CSDC2: variants seen among roughly 807,000 people sequenced by gnomAD.
CSDC2 encodes the protein cold shock domain-containing protein C2.
A neutral mutation model predicts 15.8 loss-of-function variants in CSDC2; 8 were observed. The ratio of observed to expected loss-of-function variants is 0.51; its 90% CI spans 0.30 to 0.92. The LOEUF (loss-of-function observed/expected upper bound fraction) is 0.92, where lower values mean the gene tolerates loss of function less well. Among genes scored for constraint, CSDC2 ranks in the 40% least tolerant of loss-of-function variants. CSDC2 has a pLI of 0.07. For synonymous variants in CSDC2, 96 were observed against 92.3 expected, an observed-to-expected ratio of 1.04 and a Z score of -0.23; for missense variants, 195 against 213.3, an observed-to-expected ratio of 0.91 and a Z score of 0.53.
At chr22:41,569,170 C>A (rs1409616580) in intron 1 of CSDC2, among the ~76,000 whole-genome samples, 2 of 152,242 alleles carry the variant, frequency 1.3e-5, no homozygotes, top group Non-Finnish European at 2.9e-5. Context: ...CCAGGTGGGG[C>A]AGGTGGCACT....
Position 41,574,791 on chromosome 22 carries a change from A to G in CSDC2, c.358A>G (p.Ile120Val). The G allele has an allele frequency of 6.2e-7, 1 of 1,613,816 alleles. No individual in the cohort carries two copies. The highest frequency in any genetic ancestry group is 2.2e-5 in the East Asian group (1 of 44,870). ...GDEVTYKMCP[I>V]PPKNQKFQAV... Reference sequence around the variant, plus strand: ...CGAGGTGACCTACAAGATGTGCCCTATCCCTCCCAAGAACCAGAAGTTCCA... The same window carrying G: ...CGAGGTGACCTACAAGATGTGCCCTGTCCCTCCCAAGAACCAGAAGTTCCA... The change falls in exon 4 of 4, where the codon ATC (isoleucine) becomes GTC (valine). Residue 120 changes from isoleucine to valine, a missense_variant. Ile to Val is a conservative substitution (Grantham distance 29). Coordinates refer to ENST00000306149, the MANE Select transcript of CSDC2 (RefSeq NM_014460.4).
chr22:41,564,492 C>T (rs1396356580), intron 1 of CSDC2, among the ~76,000 whole-genome samples: 1 of 152,058 alleles, frequency 6.6e-6, no homozygotes, highest in African/African-American at 2.4e-5. Context: ...AATCTCCTGA[C>T]CTCGTGATCC....
At chr22:41,568,515 G>C (rs1307546950) in intron 1 of CSDC2, among the ~76,000 whole-genome samples, 5 of 152,194 alleles carry the variant, frequency 3.3e-5, no homozygotes, top group Non-Finnish European at 7.3e-5. Flanking sequence ...AAGCTCCTGG[G>C]CTTAAAAGAT....
intron 3 of CSDC2, 97 bp downstream of exon 3, chr22:41,573,874 G>A (rs1452990063): frequency 1.4e-6 from 2 of 1,451,830 alleles, no homozygotes; most frequent in East Asian, 2.4e-5. Context: ...CACTGGCTGA[G>A]GTCTGTATTC....
Position 41,575,232 on chromosome 22 carries a change from G to A in CSDC2, c.*337G>A, listed in dbSNP as rs565174282. On this transcript the variant is annotated 3_prime_UTR_variant, in exon 4 of 4. Coordinates refer to ENST00000306149, the MANE Select transcript of CSDC2 (RefSeq NM_014460.4). ...CCCGTCCCCACGGTGACTGAGCTGC[G>A]AGAGCCTGCGCTGGGCTCACTCCCT... 5.5e-6 allele frequency: 2 copies of A among 364,810 alleles called. No individual in the cohort carries two copies. Among genetic ancestry groups the A allele is most frequent in the East Asian group, 1.2e-4 (2 of 16,852 alleles). The allele number at this position is 364,810 out of a possible 1,614,324, so 22.6% of individuals were successfully genotyped here.
chr22:41,572,075 G>C lies in CSDC2; in HGVS notation c.110G>C (p.Arg37Pro), dbSNP rs541183485. The C allele has an allele frequency of 3.7e-6, 5 of 1,361,342 alleles. No individual in the cohort carries two copies. The highest frequency in any genetic ancestry group is 2.1e-5 in the South Asian group (1 of 48,448). 84.3% of individuals were successfully genotyped at this position (1,361,342 alleles called of 1,614,324 possible). ...FHREGSRVWE[R>P]GGVPPRDLPS... ...AGGGAGGGCAGCAGGGTCTGGGAGC[G>C]GGGTGGTGTCCCACCTCGGGACCTA... The change falls in exon 2 of 4, where the codon CGG becomes CCG. Residue 37 changes from arginine (R) to proline (P), a missense_variant. Arg to Pro is a moderately radical substitution (Grantham distance 103). Transcript: ENST00000306149.
At chr22:41,573,578 A>G (rs1465402911) in intron 2 of CSDC2, 77 bp from the exon 3 acceptor site, 12 of 1,523,028 alleles carry the variant, frequency 7.9e-6, no homozygotes, top group Non-Finnish European at 1.1e-5. Context: ...GCTCAGCAGA[A>G]AGGGCCCAGA....
rs763767093 is a variant in CSDC2 at position 41,573,655 on chromosome 22, G to C, written c.177G>C (p.Ala59=). The change falls in exon 3 of 4, where the codon GCG becomes GCC. Residue 59 remains alanine (A), a splice_region_variant and synonymous_variant. Transcript: ENST00000306149. ...TCCAATCCCACTACCCTATCTCCAG[G>C]ACAGCCCGGGCCTCAGCTGGCCCCG... ...LPTKRTRTYS[A]TARASAGPVF... 5.0e-6 allele frequency: 8 copies of C among 1,612,070 alleles called. No homozygotes were observed. Among genetic ancestry groups the C allele is most frequent in the African/African-American group, 1.3e-5 (1 of 74,854 alleles).
rs2145604245 is a variant in CSDC2, at chr22:41,576,241, C to T, written c.*1346C>T. 6.6e-6 allele frequency: 1 copy of T among 152,324 alleles called. No individual in the cohort carries two copies. The highest frequency in any genetic ancestry group is 2.4e-5 in the African/African-American group (1 of 41,546). The allele number at this position is 152,324 out of a possible 1,614,324, so 9.4% of individuals were successfully genotyped here. The stretch of plus-strand genomic sequence containing the variant: ...AGGATCCCTTGCCTTGTAGGTGCCC[C>T]AAGACCGCAGGGTAGAAATCAGCCG... On this transcript the variant is annotated 3_prime_UTR_variant, in exon 4 of 4. Coordinates refer to ENST00000306149, the MANE Select transcript of CSDC2 (RefSeq NM_014460.4).
At chr22:41,563,016 G>A (rs2067095853) in intron 1 of CSDC2, among the ~76,000 whole-genome samples, 1 of 152,152 alleles carries the variant, frequency 6.6e-6, no homozygotes, top group African/African-American at 2.4e-5. Flanking sequence ...GGCTCTCCCA[G>A]TGCCGTCCTG....
rs1043982889 is a variant in CSDC2 at position 41,571,876 on chromosome 22, G to C, written c.-90G>C. The C allele has an allele frequency of 8.1e-6, 7 of 863,576 alleles. No individual in the cohort carries two copies. In the East Asian group the frequency reaches 2.3e-4, roughly 29 times the overall value. The allele number at this position is 863,576 out of a possible 1,614,324, so 53.5% of individuals were successfully genotyped here. A position where few individuals can be genotyped will look rare whatever the true frequency, so the allele number is the denominator to read the frequency against. ...CGTGGCTGGTGAGGCCGCAGAGCAGGGCCAGGCCGGGCCCTGCCCGCAAGG... is the reference window on the plus strand; with the variant it reads ...CGTGGCTGGTGAGGCCGCAGAGCAGCGCCAGGCCGGGCCCTGCCCGCAAGG... On this transcript the variant is annotated 5_prime_UTR_variant, in exon 2 of 4. Coordinates refer to ENST00000306149, the MANE Select transcript of CSDC2 (RefSeq NM_014460.4).
intron 1 of CSDC2, among the ~76,000 whole-genome samples, chr22:41,570,905 C>A (rs1277452328): frequency 6.7e-6 from 1 of 149,336 alleles, no homozygotes; most frequent in East Asian, 2.0e-4. Context: ...GTGGGAGGAT[C>A]GCTTCAGCCC....
At chr22:41,565,213 A>G (rs1288412973) in intron 1 of CSDC2, among the ~76,000 whole-genome samples, 1 of 151,426 alleles carries the variant, frequency 6.6e-6, no homozygotes, top group Non-Finnish European at 1.5e-5. Flanking sequence ...GCACTTTGGG[A>G]GGCTGAGGCA....
At chr22:41,571,722 T>G in intron 1 of CSDC2, 121 bp from the exon 2 acceptor site, 1 of 374,956 alleles carries the variant, frequency 2.7e-6, no homozygotes, top group Admixed American at 4.6e-5. Flanking sequence ...GATGGGGTCG[T>G]TTGTGACTTG....
rs546710420 is a variant in CSDC2, at chr22:41,574,821, G to A, written c.388G>A (p.Val130Met). Residue 130 changes from valine to methionine, a missense_variant, in exon 4 of 4, where the codon GTG becomes ATG. Transcript: ENST00000306149. Reference protein sequence around the residue: ...IPPKNQKFQAVEVVLTQLAPH... With the variant: ...IPPKNQKFQAMEVVLTQLAPH... Reference sequence around the variant, plus strand: ...TCCCAAGAACCAGAAGTTCCAGGCCGTGGAGGTGGTGCTCACTCAGCTGGC... The same window carrying A: ...TCCCAAGAACCAGAAGTTCCAGGCCATGGAGGTGGTGCTCACTCAGCTGGC... The A allele has an allele frequency of 4.3e-6, 7 of 1,613,292 alleles. No homozygotes were observed. Among genetic ancestry groups the A allele is most frequent in the Non-Finnish European group, 5.9e-6 (7 of 1,179,832 alleles).
In CSDC2 at chr22:41,575,760, GAC is replaced by G. The variant is rs1159422824; in HGVS notation, c.*870_*871del. ...GCTGCTGTGGATGCCGCGAGGGACG[GAC>G]ACACGTCCGGGGCACCCACGAGGAG... On this transcript the variant is annotated 3_prime_UTR_variant, in exon 4 of 4. Coordinates refer to ENST00000306149, the MANE Select transcript of CSDC2 (RefSeq NM_014460.4). The G allele has an allele frequency of 6.6e-6, 1 of 152,346 alleles. No homozygotes were observed. Among genetic ancestry groups the G allele is most frequent in the Non-Finnish European group, 1.5e-5 (1 of 68,116 alleles). The allele number at this position is 152,346 out of a possible 1,614,324, so 9.4% of individuals were successfully genotyped here. A position where few individuals can be genotyped will look rare whatever the true frequency, so the allele number is the denominator to read the frequency against.
Position 41,574,854 on chromosome 22 carries a change from A to C in CSDC2, c.421A>C (p.Thr141Pro). Residue 141 changes from threonine to proline, a missense_variant, in exon 4 of 4, where the codon ACT becomes CCT. Thr to Pro is a conservative substitution (Grantham distance 38, BLOSUM62 -1). Transcript: ENST00000306149. The stretch of plus-strand genomic sequence containing the variant: ...GGTGCTCACTCAGCTGGCCCCCCAC[A>C]CTCCCCACGAGACGTGGTCTGGCCA... ...EVVLTQLAPHTPHETWSGQVV... is the reference protein window; with the variant it reads ...EVVLTQLAPHPPHETWSGQVV... The C allele has an allele frequency of 2.5e-6, 4 of 1,609,364 alleles. No homozygotes were observed. The highest frequency in any genetic ancestry group is 2.5e-6 in the Non-Finnish European group (3 of 1,178,278).
At chr22:41,564,935 AG>A (rs997253246) in intron 1 of CSDC2, among the ~76,000 whole-genome samples, 5 of 152,116 alleles carry the variant, frequency 3.3e-5, no homozygotes, top group African/African-American at 1.2e-4. Flanking sequence ...TGGGAGGCCA[AG>A]GGGGTTGATC....
chr22:41,563,953 G>A (rs940066418), intron 1 of CSDC2, among the ~76,000 whole-genome samples: 14 of 151,018 alleles, frequency 9.3e-5, no homozygotes, highest in African/African-American at 2.9e-4. Context: ...GCGTGGTGGC[G>A]GGCACCTGTA....
Sources: allele counts gnomAD v4.1 joint callset (sites outside exome capture counted in the v4.1 genomes callset), GRCh38; gene constraint gnomAD v4.1.1; transcripts MANE v1.5; gene names NCBI Gene and HGNC (gene_info 2026-07-23, HGNC 2026-07-21).